The following CSMD1 variants were observed in gnomAD, a reference collection of about 807,000 sequenced individuals.
The protein encoded by CSMD1 is CUB and Sushi multiple domains 1.
CSMD1 carries 213 observed loss-of-function variants against 417.5 expected under a neutral mutation model. The observed-to-expected ratio is 0.51, with a 90% confidence interval of 0.46 to 0.57. The LOEUF is 0.57. Among genes scored for constraint, CSMD1 ranks in the 20% least tolerant of loss-of-function variants. The pLI, the probability that CSMD1 is intolerant of heterozygous loss-of-function variation, is 0.00. For synonymous variants in CSMD1, 2,862 were observed against 1,736.8 expected (o/e 1.65, Z -16.11); for missense variants, 6,923 against 4,529.7 (o/e 1.53, Z -15.17).
At position 3,209,277 on chromosome 8, in the gene CSMD1, T is replaced by G. The variant is rs531327998; in HGVS notation, c.4868-3657A>C. On this transcript the variant is annotated intron_variant, in intron 30 of 69. Coordinates refer to ENST00000635120, the MANE Select transcript of CSMD1 (RefSeq NM_033225.6). Reference sequence around the variant, plus strand: ...AGAAAAATATGGATAGAATTTTTATTTATTTGTTTGTTTGTTTATTTATTT... The same window carrying G: ...AGAAAAATATGGATAGAATTTTTATGTATTTGTTTGTTTGTTTATTTATTT... Among the ~76,000 whole-genome samples the G allele has an allele frequency of 1.8e-4, 21 of 117,042 alleles. No individual in the cohort carries two copies. In the South Asian group the frequency reaches 4.1e-3, roughly 23 times the overall value. The allele number at this position is 117,042 out of a possible 152,430, so 76.8% of individuals were successfully genotyped here. A position where few individuals can be genotyped will look rare whatever the true frequency, so the allele number is the denominator to read the frequency against.
intron 54 of CSMD1, among the ~76,000 whole-genome samples, chr8:2,988,156 T>A (rs1337711614): frequency 6.6e-6 from 1 of 152,208 alleles, no homozygotes; most frequent in Non-Finnish European, 1.5e-5. Flanking sequence ...CCATTTTTCA[T>A]TAACACTTTA....
intron 5 of CSMD1, among the ~76,000 whole-genome samples, chr8:3,982,001 C>G (rs568941971): frequency 6.6e-6 from 1 of 151,970 alleles, no homozygotes; most frequent in East Asian, 1.9e-4. Context: ...GAAACCCCGT[C>G]TCTACTAAAA....
chr8:3,094,162 A>T (rs1197629728), intron 47 of CSMD1, among the ~76,000 whole-genome samples: 1 of 151,442 alleles, frequency 6.6e-6, no homozygotes, highest in Non-Finnish European at 1.5e-5. Context: ...CTGGAGTGCA[A>T]TGGTACAATC....
chr8:3,790,877 A>T (rs185497818), intron 5 of CSMD1, among the ~76,000 whole-genome samples: 7 of 152,288 alleles, frequency 4.6e-5, no homozygotes, highest in Admixed American at 2.6e-4. Context: ...TTTGAGATGG[A>T]AACTGTCGCT....
intron 1 of CSMD1, among the ~76,000 whole-genome samples, chr8:4,718,967 T>A (rs1289328409): frequency 6.6e-6 from 1 of 152,122 alleles, no homozygotes; most frequent in Non-Finnish European, 1.5e-5. Flanking sequence ...GTTCATTATA[T>A]ATTGATATGA....
At chr8:3,447,192 G>A (rs1347194662) in intron 12 of CSMD1, among the ~76,000 whole-genome samples, 1 of 152,086 alleles carries the variant, frequency 6.6e-6, no homozygotes, top group Non-Finnish European at 1.5e-5. Flanking sequence ...CTATGGCAAA[G>A]AAAAATGATG....
chr8:4,317,027 C>T (rs1283766432), intron 3 of CSMD1, among the ~76,000 whole-genome samples: 2 of 152,096 alleles, frequency 1.3e-5, no homozygotes, highest in Non-Finnish European at 2.9e-5. Context: ...CAAAAAACTA[C>T]ACTTGTAAAC....
intron 1 of CSMD1, among the ~76,000 whole-genome samples, chr8:4,804,488 C>A (rs1380932785): frequency 1.3e-5 from 2 of 149,216 alleles, no homozygotes; most frequent in Non-Finnish European, 3.0e-5. Context: ...AAAGGGATTC[C>A]TGACTGACTT....
intron 1 of CSMD1, among the ~76,000 whole-genome samples, chr8:4,736,538 G>C (rs1810247796): frequency 6.6e-6 from 1 of 152,148 alleles, no homozygotes; most frequent in Non-Finnish European, 1.5e-5. Context: ...CAGCATGACA[G>C]CTGCGGGAAA....
At chr8:3,868,979 C>G (rs1415402399) in intron 5 of CSMD1, among the ~76,000 whole-genome samples, 1 of 152,190 alleles carries the variant, frequency 6.6e-6, no homozygotes, top group South Asian at 2.1e-4. Flanking sequence ...CTCTTCTGCT[C>G]AGATGATGCC....
chr8:4,458,765 T>A (rs1390883824), intron 2 of CSMD1, among the ~76,000 whole-genome samples: 1 of 152,180 alleles, frequency 6.6e-6, no homozygotes, highest in Non-Finnish European at 1.5e-5. Context: ...ATTTTATGCA[T>A]TGAATAAGAT....
At chr8:4,531,736 A>G (rs1796827262) in intron 2 of CSMD1, among the ~76,000 whole-genome samples, 1 of 152,176 alleles carries the variant, frequency 6.6e-6, no homozygotes, top group African/African-American at 2.4e-5. Context: ...TTCCCATACC[A>G]TGAAATTCAC....
chr8:3,587,892 C>G (rs533304445), intron 8 of CSMD1, among the ~76,000 whole-genome samples: 18 of 152,010 alleles, frequency 1.2e-4, no homozygotes, highest in African/African-American at 4.3e-4. Flanking sequence ...TTTTGAGAAA[C>G]CCGGCATCAT....
intron 5 of CSMD1, among the ~76,000 whole-genome samples, chr8:3,903,795 C>G (rs1001802014): frequency 8.5e-5 from 13 of 152,098 alleles, no homozygotes; most frequent in African/African-American, 3.1e-4. Context: ...CCTCTCGGAT[C>G]AGTGTTCCAT....
At chr8:4,282,678 G>C (rs1354309994) in intron 3 of CSMD1, among the ~76,000 whole-genome samples, 1 of 152,158 alleles carries the variant, frequency 6.6e-6, no homozygotes, top group Admixed American at 6.5e-5. Flanking sequence ...GTTAGGAACT[G>C]AGTTGGCTGT....
At chr8:3,779,135 C>G (rs1055944420) in intron 5 of CSMD1, among the ~76,000 whole-genome samples, 2 of 147,436 alleles carry the variant, frequency 1.4e-5, no homozygotes, top group African/African-American at 2.5e-5. Context: ...AATATTTTCA[C>G]TATGCGTGCA....
intron 3 of CSMD1, among the ~76,000 whole-genome samples, chr8:4,061,165 G>A (rs1316860589): frequency 2.0e-5 from 3 of 152,154 alleles, no homozygotes; most frequent in Admixed American, 6.6e-5. Flanking sequence ...CCCTTACGAT[G>A]GAAAATCCCT....
intron 2 of CSMD1, among the ~76,000 whole-genome samples, chr8:4,459,263 T>A (rs552696917): frequency 1.8e-4 from 27 of 152,328 alleles, no homozygotes; most frequent in African/African-American, 6.0e-4. Context: ...AAGGTCAAAA[T>A]GCTGCAGTTC....
chr8:4,139,246 C>T (rs1803628576), intron 3 of CSMD1, among the ~76,000 whole-genome samples: 2 of 152,164 alleles, frequency 1.3e-5, no homozygotes, highest in African/African-American at 2.4e-5. Context: ...GCGAATTTAG[C>T]TTCATTATGC....
Sources: allele counts gnomAD v4.1 joint callset (sites outside exome capture counted in the v4.1 genomes callset), GRCh38; gene constraint gnomAD v4.1.1; transcripts MANE v1.5; gene names NCBI Gene and HGNC (gene_info 2026-07-23, HGNC 2026-07-21).